KCTD1: variants seen among roughly 807,000 people sequenced by gnomAD.
KCTD1 encodes the protein BTB/POZ domain-containing protein KCTD1.
A neutral mutation model predicts 66.0 loss-of-function variants in KCTD1; 24 were observed. The observed-to-expected ratio is 0.36, with a 90% CI of 0.26 to 0.51. KCTD1 has a LOEUF of 0.51. Among genes scored for constraint, KCTD1 ranks in the 20% least tolerant of loss-of-function variants. The pLI, the probability that KCTD1 is intolerant of heterozygous loss-of-function variation, is 0.95. For synonymous variants in KCTD1, 511 were observed against 517.2 expected (o/e 0.99, Z 0.16); for missense variants, 943 against 1,205.2 (o/e 0.78, Z 3.22).
At chr18:26,512,587 A>AG (rs1283269646) in intron 1 of KCTD1, among the ~76,000 whole-genome samples, 7 of 152,208 alleles carry the variant, frequency 4.6e-5, no homozygotes, top group Admixed American at 2.0e-4. Context: ...GTGCCAGGCT[A>AG]GGGCACTATG....
chr18:26,597,415 A>T (rs573395086), intron 1 of KCTD1, among the ~76,000 whole-genome samples: 2 of 152,280 alleles, frequency 1.3e-5, no homozygotes, highest in South Asian at 4.2e-4. Context: ...TGATCAGATA[A>T]TATCCTGTAT....
At chr18:26,587,381 C>T (rs756348778) in intron 1 of KCTD1, among the ~76,000 whole-genome samples, 1 of 152,190 alleles carries the variant, frequency 6.6e-6, no homozygotes, top group Non-Finnish European at 1.5e-5. Context: ...ATTGACAATG[C>T]ACCTAGTCAC....
At chr18:26,481,401 G>T (rs1254133905) in intron 2 of KCTD1, among the ~76,000 whole-genome samples, 1 of 152,160 alleles carries the variant, frequency 6.6e-6, no homozygotes, top group Non-Finnish European at 1.5e-5. Context: ...CAGGGAGAAG[G>T]GTGCGGAAGA....
At chr18:26,471,687 G>A (rs1981070539) in intron 3 of KCTD1, among the ~76,000 whole-genome samples, 2 of 152,162 alleles carry the variant, frequency 1.3e-5, no homozygotes, top group South Asian at 4.1e-4. Context: ...TGTGATCCCA[G>A]TATTTTGCAA....
chr18:26,603,405 C>T (rs989927599), intron 1 of KCTD1, among the ~76,000 whole-genome samples: 1 of 148,074 alleles, frequency 6.8e-6, no homozygotes, highest in Admixed American at 6.8e-5. Context: ...GCACTCCAGC[C>T]TGGGCAACTG....
chr18:26,573,570 T>C (rs1454319751), intron 1 of KCTD1, among the ~76,000 whole-genome samples: 1 of 152,216 alleles, frequency 6.6e-6, no homozygotes, highest in Non-Finnish European at 1.5e-5. Flanking sequence ...GAGAAGCTGG[T>C]TATCTCTGGA....
chr18:26,568,181 A>C (rs1159526527), intron 1 of KCTD1, among the ~76,000 whole-genome samples: 3 of 152,224 alleles, frequency 2.0e-5, no homozygotes, highest in African/African-American at 7.2e-5. Flanking sequence ...CACGAGGGAA[A>C]GAGTGGAGTA....
intron 1 of KCTD1, chr18:26,566,099 G>A (rs1985975083): frequency 6.6e-6 from 1 of 152,162 alleles, no homozygotes; most frequent in African/African-American, 2.4e-5. Context: ...GCACACAGTA[G>A]GGACCAGTTT....
intron 1 of KCTD1, among the ~76,000 whole-genome samples, chr18:26,616,037 T>C (rs1264804762): frequency 6.6e-6 from 1 of 152,086 alleles, no homozygotes; most frequent in Admixed American, 6.6e-5. Flanking sequence ...GTGATCCGCC[T>C]GCCTCACCCT....
chr18:26,524,466 TC>T (rs1286498128), intron 1 of KCTD1, among the ~76,000 whole-genome samples: 1 of 152,218 alleles, frequency 6.6e-6, no homozygotes, highest in African/African-American at 2.4e-5. Context: ...TTATACTTTT[TC>T]CTGTAGGAAT....
rs1490610865 is a variant in KCTD1, at chr18:26,506,931, C to T, written c.1810-5681G>A. ...CTGTAATTCCAGCACTTTGGGAGGC[C>T]GAGGCGGGCAGATCACCTGAGGTCA... On this transcript the variant is annotated intron_variant, in intron 1 of 4. Coordinates refer to ENST00000580059, the MANE Select transcript of KCTD1 (RefSeq NM_001142730.3). Among the ~76,000 whole-genome samples, 5 of 152,080 alleles carry T rather than the reference C, an allele frequency of 3.3e-5. 1 individual carries two copies. The South Asian group carries it at 8.3e-4, about 25-fold the overall frequency.
In KCTD1 at chr18:26,471,145, G is replaced by GC. The variant is rs972107162; in HGVS notation, c.2133+5369dup. Among the ~76,000 whole-genome samples the GC allele has an allele frequency of 7.2e-5, 11 of 152,160 alleles. No homozygotes were observed. In the South Asian group the frequency reaches 8.3e-4, roughly 12 times the overall value. On this transcript the variant is annotated intron_variant, in intron 3 of 4. Coordinates refer to ENST00000580059, the MANE Select transcript of KCTD1 (RefSeq NM_001142730.3). The stretch of plus-strand genomic sequence containing the variant: ...AAGACACAACAAAGCCGAGTATACA[G>GC]CCCCCCCAGGTCTCCTGCCTGAGTC...
intron 1 of KCTD1, among the ~76,000 whole-genome samples, chr18:26,510,059 AG>A (rs1983256742): frequency 6.6e-6 from 1 of 152,258 alleles, no homozygotes; most frequent in Non-Finnish European, 1.5e-5. Flanking sequence ...AAATTTGACA[AG>A]CCAGATGGAC....
In KCTD1 at chr18:26,599,988, C is replaced by T; in HGVS notation, c.-16+29159G>A. 2.5e-6 allele frequency: 4 copies of T among 1,610,828 alleles called. No homozygotes were observed. In the South Asian group the frequency reaches 4.4e-5, roughly 18 times the overall value. On this transcript the variant is annotated intron_variant, in intron 1 of 4. Coordinates refer to the KCTD1 transcript ENST00000317932. Reference sequence around the variant, plus strand: ...AGCCTGCAGTGGACCCTGCTGCTGCCAAGCTGTGGACCCTCTCAGCCAACG... The same window carrying T: ...AGCCTGCAGTGGACCCTGCTGCTGCTAAGCTGTGGACCCTCTCAGCCAACG...
chr18:26,536,849 G>A (rs1403632813), intron 1 of KCTD1, among the ~76,000 whole-genome samples: 1 of 151,762 alleles, frequency 6.6e-6, no homozygotes, highest in Non-Finnish European at 1.5e-5. Flanking sequence ...CCAAGAGGTG[G>A]TTCTAAAAAC....
chr18:26,624,403 C>A (rs774525037), intron 1 of KCTD1, among the ~76,000 whole-genome samples: 8 of 152,208 alleles, frequency 5.3e-5, no homozygotes, highest in Non-Finnish European at 1.0e-4. Context: ...GACCCAGGGA[C>A]CCCTTGCTCT....
intron 3 of KCTD1, among the ~76,000 whole-genome samples, chr18:26,471,822 C>A (rs1981078979): frequency 6.6e-6 from 1 of 152,048 alleles, no homozygotes; most frequent in Admixed American, 6.6e-5. Flanking sequence ...AGTTTCAATG[C>A]AGAGAACAAG....
chr18:26,596,040 T>A (rs962810365), intron 1 of KCTD1, among the ~76,000 whole-genome samples: 1 of 152,150 alleles, frequency 6.6e-6, no homozygotes, highest in African/African-American at 2.4e-5. Context: ...GTGTGAGACT[T>A]TGTCTCAAAA....
intron 1 of KCTD1, among the ~76,000 whole-genome samples, chr18:26,539,740 G>T (rs1239746669): frequency 6.6e-6 from 1 of 152,132 alleles, no homozygotes; most frequent in African/African-American, 2.4e-5. Context: ...AATAATTCAT[G>T]TTTCTAAGTT....
Sources: gnomAD v4.1 joint callset for allele counts (sites outside exome capture counted in the v4.1 genomes callset) on GRCh38, gnomAD v4.1.1 for gene constraint, MANE v1.5 for transcripts, NCBI Gene and HGNC (gene_info 2026-07-23, HGNC 2026-07-21) for gene names.